SMIM14: variants seen among roughly 807,000 people sequenced by gnomAD.
SMIM14 encodes the protein chromosome 4 open reading frame 34.
In SMIM14, 5 loss-of-function variants were observed where a neutral mutation model predicts 12.6. The ratio of observed to expected loss-of-function variants is 0.40; its 90% CI spans 0.21 to 0.83. The LOEUF (loss-of-function observed/expected upper bound fraction) is 0.83. Ranked by LOEUF, SMIM14 falls within the 40% of genes least tolerant of loss-of-function variation. The pLI is 0.37. For synonymous variants in SMIM14, 30 were observed against 40.1 expected (o/e 0.75, Z 0.95); for missense variants, 86 against 119.1 (o/e 0.72, Z 1.29).
intron 1 of SMIM14, among the ~76,000 whole-genome samples, chr4:39,632,177 C>A (rs765805692): frequency 6.6e-6 from 1 of 152,102 alleles, no homozygotes; most frequent in Non-Finnish European, 1.5e-5. Flanking sequence ...TTCCTCTCCT[C>A]AGAGATAGCT....
chr4:39,611,501 A>T lies in SMIM14; in HGVS notation c.-35-6321T>A, dbSNP rs1026793764. On this transcript the variant is annotated intron_variant, in intron 1 of 4. Transcript: ENST00000295958. Reference sequence around the variant, plus strand: ...AGCCTGAGCAACCGAGCAAGACTCCATCTCAAAAAAAAAAAAAAAACAATT... The same window carrying T: ...AGCCTGAGCAACCGAGCAAGACTCCTTCTCAAAAAAAAAAAAAAAACAATT... Among the ~76,000 whole-genome samples, 9 of 148,944 alleles carry T rather than the reference A, an allele frequency of 6.0e-5. No individual in the cohort carries two copies. In the South Asian group the frequency reaches 1.3e-3, roughly 21 times the overall value.
rs755025674 is a variant in SMIM14, at chr4:39,572,426, C to T, written c.113G>A (p.Cys38Tyr). ...QSQSYCTDTE[C>Y]LQELPGPSGD... ...TCAGTGGTACTTACATTCCTGAAGA[C>T]ACTCTGTGTCTGTGCAGTAGGACTG... Residue 38 changes from cysteine to tyrosine, a missense_variant, in exon 3 of 5, where the codon TGT becomes TAT. Transcript: ENST00000295958. 1 of 1,609,782 alleles carries T rather than the reference C, an allele frequency of 6.2e-7. No individual in the cohort carries two copies. The highest frequency in any genetic ancestry group is 8.5e-7 in the Non-Finnish European group (1 of 1,178,230).
intron 1 of SMIM14, chr4:39,612,009 T>TG (rs200624933): frequency 0.042 from 6,407 of 151,892 alleles, 215 homozygotes; most frequent in Middle Eastern, 0.065. Context: ...GAAAGGGAGA[T>TG]GGAGATGCGG....
chr4:39,571,648 T>G (rs143014739), intron 3 of SMIM14, among the ~76,000 whole-genome samples: 16 of 152,050 alleles, frequency 1.1e-4, no homozygotes, highest in Non-Finnish European at 2.4e-4. Flanking sequence ...TGCAAATAGA[T>G]GTTAGGGAGA....
At chr4:39,559,653 C>T (rs1173258000) in intron 3 of SMIM14, among the ~76,000 whole-genome samples, 7 of 152,112 alleles carry the variant, frequency 4.6e-5, no homozygotes, top group Non-Finnish European at 2.9e-5. Context: ...GGCCAAAAGG[C>T]TAGTGATAAA....
chr4:39,560,392 T>C (rs1203412906), intron 3 of SMIM14, among the ~76,000 whole-genome samples: 2 of 151,608 alleles, frequency 1.3e-5, no homozygotes, highest in Non-Finnish European at 2.9e-5. Context: ...CAGGCTGTTC[T>C]CAAACTCCTG....
intron 2 of SMIM14, among the ~76,000 whole-genome samples, chr4:39,576,967 T>C (rs932463996): frequency 4.6e-5 from 7 of 151,572 alleles, no homozygotes; most frequent in African/African-American, 1.7e-4. Context: ...CGCCTCGGCC[T>C]CCCAAAGTGC....
intron 2 of SMIM14, among the ~76,000 whole-genome samples, chr4:39,604,721 G>C (rs561800241): frequency 1.3e-5 from 2 of 151,164 alleles, no homozygotes; most frequent in Non-Finnish European, 2.9e-5. Flanking sequence ...AGCAATTCTC[G>C]TGTCTCAGCC....
intron 1 of SMIM14, among the ~76,000 whole-genome samples, chr4:39,634,588 G>A (rs1486032497): frequency 6.6e-6 from 1 of 152,162 alleles, no homozygotes; most frequent in Non-Finnish European, 1.5e-5. Context: ...AAAAATGGTA[G>A]CTATCATTAC....
At chr4:39,632,517 G>T (rs1715941768) in intron 1 of SMIM14, among the ~76,000 whole-genome samples, 1 of 151,248 alleles carries the variant, frequency 6.6e-6, no homozygotes, top group African/African-American at 2.4e-5. Flanking sequence ...TGTCTGACCA[G>T]GTGCAATGGC....
At chr4:39,601,697 A>T (rs1714617013) in intron 2 of SMIM14, among the ~76,000 whole-genome samples, 1 of 152,178 alleles carries the variant, frequency 6.6e-6, no homozygotes. Context: ...CTATAATCCC[A>T]ACACTTTGGG....
chr4:39,588,752 A>G (rs934343811), intron 2 of SMIM14, among the ~76,000 whole-genome samples: 6 of 152,016 alleles, frequency 3.9e-5, no homozygotes, highest in African/African-American at 1.4e-4. Flanking sequence ...GTATGGGGAA[A>G]GGAGTTCAGC....
intron 3 of SMIM14, among the ~76,000 whole-genome samples, chr4:39,565,887 GT>G (rs1375519516): frequency 6.6e-6 from 1 of 151,876 alleles, no homozygotes; most frequent in African/African-American, 2.4e-5. Flanking sequence ...AGATCTCATG[GT>G]TTTAAAAAGG....
chr4:39,575,406 G>C (rs190335377), intron 2 of SMIM14, among the ~76,000 whole-genome samples: 1 of 152,006 alleles, frequency 6.6e-6, no homozygotes, highest in Non-Finnish European at 1.5e-5. Flanking sequence ...ATGTTGCCCA[G>C]GCTGGTCTCG....
intron 3 of SMIM14, among the ~76,000 whole-genome samples, chr4:39,559,368 G>A (rs1310131800): frequency 2.7e-5 from 4 of 146,436 alleles, no homozygotes; most frequent in South Asian, 2.2e-4. Flanking sequence ...CAGCCTGGGC[G>A]AGTGAGCAAG....
At chr4:39,625,533 C>A (rs534817733) in intron 1 of SMIM14, among the ~76,000 whole-genome samples, 1 of 152,200 alleles carries the variant, frequency 6.6e-6, no homozygotes, top group South Asian at 2.1e-4. Flanking sequence ...CCTCCACCTC[C>A]CGGGTTCCAG....
intron 2 of SMIM14, among the ~76,000 whole-genome samples, chr4:39,582,393 G>GCCAA (rs1560292100): frequency 6.6e-6 from 1 of 152,038 alleles, no homozygotes; most frequent in African/African-American, 2.4e-5. Flanking sequence ...GGCCGGGCAC[G>GCCAA]GTGGCTTATG....
intron 1 of SMIM14, among the ~76,000 whole-genome samples, chr4:39,628,845 G>C (rs1715801613): frequency 6.8e-6 from 1 of 147,774 alleles, no homozygotes; most frequent in Admixed American, 6.9e-5. Flanking sequence ...TGATTCTCCT[G>C]CCTCACCCTC....
chr4:39,606,466 C>A (rs977764730), intron 1 of SMIM14, among the ~76,000 whole-genome samples: 4 of 151,976 alleles, frequency 2.6e-5, no homozygotes, highest in African/African-American at 9.7e-5. Flanking sequence ...CATGGTGAAA[C>A]CCCGTCTCTA....
Sources: gnomAD v4.1 joint callset for allele counts (sites outside exome capture counted in the v4.1 genomes callset) on GRCh38, gnomAD v4.1.1 for gene constraint, MANE v1.5 for transcripts, NCBI Gene and HGNC (gene_info 2026-07-23, HGNC 2026-07-21) for gene names.